The following CHST9 variants were observed in gnomAD, a reference collection of about 807,000 sequenced individuals.
CHST9 encodes carbohydrate sulfotransferase 9.
In CHST9, 41 loss-of-function variants were observed where a neutral mutation model predicts 44.4. The observed-to-expected ratio is 0.92, with a 90% confidence interval of 0.72 to 1.20. The LOEUF (loss-of-function observed/expected upper bound fraction) is 1.20. Ranked by LOEUF, CHST9 falls within the 50% of genes most tolerant of loss-of-function variation. The pLI, the probability that CHST9 is intolerant of heterozygous loss-of-function variation, is 0.00. For synonymous variants in CHST9, 171 were observed against 178.4 expected (o/e 0.96, Z 0.33); for missense variants, 504 against 516.5 (o/e 0.98, Z 0.23).
At chr18:27,166,459 T>C (rs912814643) in intron 1 of CHST9, among the ~76,000 whole-genome samples, 4 of 152,240 alleles carry the variant, frequency 2.6e-5, no homozygotes, top group African/African-American at 4.8e-5. Context: ...CTTTTCTTTT[T>C]AAGATCCTTC....
intron 5 of CHST9, among the ~76,000 whole-genome samples, chr18:26,928,046 A>G (rs1293945266): frequency 6.6e-6 from 1 of 152,216 alleles, no homozygotes; most frequent in Non-Finnish European, 1.5e-5. Flanking sequence ...CATCCTGCAT[A>G]GCCCTAAATC....
At chr18:27,006,975 G>A (rs1331502845) in intron 4 of CHST9, among the ~76,000 whole-genome samples, 3 of 152,130 alleles carry the variant, frequency 2.0e-5, no homozygotes, top group African/African-American at 7.2e-5. Flanking sequence ...GTGAGCATGT[G>A]TACGTGCATG....
intron 1 of CHST9, among the ~76,000 whole-genome samples, chr18:27,144,190 G>T (rs1168782041): frequency 2.0e-5 from 3 of 152,116 alleles, no homozygotes; most frequent in Non-Finnish European, 4.4e-5. Context: ...TCTTAAATGT[G>T]AAGATATCAT....
intron 4 of CHST9, among the ~76,000 whole-genome samples, chr18:26,961,300 A>G (rs1211502525): frequency 1.3e-5 from 2 of 152,242 alleles, no homozygotes; most frequent in African/African-American, 2.4e-5. Context: ...TGTATAACTA[A>G]TATGTTTTTT....
chr18:27,036,081 G>A (rs2143512920), intron 3 of CHST9, among the ~76,000 whole-genome samples: 1 of 152,132 alleles, frequency 6.6e-6, no homozygotes, highest in South Asian at 2.1e-4. Flanking sequence ...ATATTCATGT[G>A]CCAAATTCAA....
chr18:26,946,635 G>C (rs927346411), intron 4 of CHST9, among the ~76,000 whole-genome samples: 3 of 152,110 alleles, frequency 2.0e-5, no homozygotes, highest in African/African-American at 7.2e-5. Context: ...TTTCTTCTAG[G>C]GTTTTTATGG....
At chr18:27,169,751 C>A (rs910878881) in intron 1 of CHST9, among the ~76,000 whole-genome samples, 2 of 151,804 alleles carry the variant, frequency 1.3e-5, no homozygotes, top group Admixed American at 6.6e-5. Flanking sequence ...GGACTACAGG[C>A]ACCCACCACC....
In CHST9 at chr18:27,094,445, C is replaced by T. The variant is rs151131356; in HGVS notation, c.122-45942G>A. ...AAGCCTTTCTGTCAGGTGATAACAT[C>T]AAAGTGACCAAAATGTTTATGACTG... On this transcript the variant is annotated intron_variant, in intron 2 of 5. Transcript: ENST00000618847. 8.2e-4 allele frequency among the ~76,000 whole-genome samples: 125 copies of T among 152,200 alleles called. 2 individuals are homozygous for T. The East Asian group carries it at 0.021, about 25-fold the overall frequency.
chr18:26,978,725 T>A (rs2056655659), intron 4 of CHST9, among the ~76,000 whole-genome samples: 1 of 152,126 alleles, frequency 6.6e-6, no homozygotes, highest in Non-Finnish European at 1.5e-5. Context: ...TGAGAAAAAA[T>A]AATATCGGTC....
chr18:27,136,362 C>A (rs965734183), intron 2 of CHST9, among the ~76,000 whole-genome samples: 5 of 152,280 alleles, frequency 3.3e-5, no homozygotes, highest in Middle Eastern at 3.4e-3. Context: ...GTGGTGTGGT[C>A]TGGAAGCACG....
chr18:27,120,403 G>C (rs1038193856), intron 2 of CHST9, among the ~76,000 whole-genome samples: 7 of 152,004 alleles, frequency 4.6e-5, no homozygotes, highest in Non-Finnish European at 8.8e-5. Flanking sequence ...TTTATTTTAT[G>C]ACTAAAACCC....
intron 2 of CHST9, among the ~76,000 whole-genome samples, chr18:27,056,566 T>A (rs1393490709): frequency 6.6e-6 from 1 of 152,200 alleles, no homozygotes; most frequent in Non-Finnish European, 1.5e-5. Flanking sequence ...ACTGTGAAGA[T>A]TAAATAAAAT....
intron 4 of CHST9, among the ~76,000 whole-genome samples, chr18:26,945,039 A>G (rs956666930): frequency 6.6e-5 from 10 of 152,182 alleles, no homozygotes; most frequent in African/African-American, 2.4e-4. Context: ...AACGTTATGT[A>G]TGTCTTAAGT....
chr18:27,158,452 G>A (rs1277482741), intron 1 of CHST9, among the ~76,000 whole-genome samples: 1 of 151,108 alleles, frequency 6.6e-6, no homozygotes, highest in South Asian at 2.1e-4. Context: ...TTTTATGGCT[G>A]CATAGTATTC....
chr18:26,941,525 T>C (rs1042951479), intron 5 of CHST9, among the ~76,000 whole-genome samples: 3 of 152,122 alleles, frequency 2.0e-5, no homozygotes, highest in Admixed American at 6.6e-5. Context: ...AGTATTATCT[T>C]TCATCTAGTA....
chr18:27,160,643 T>G (rs957731767), intron 1 of CHST9, among the ~76,000 whole-genome samples: 4 of 152,134 alleles, frequency 2.6e-5, no homozygotes, highest in African/African-American at 9.7e-5. Context: ...TTAGGGAGGA[T>G]TCCCTCTTTT....
chr18:27,019,674 T>C (rs1175130495), intron 4 of CHST9, among the ~76,000 whole-genome samples: 3 of 137,604 alleles, frequency 2.2e-5, no homozygotes, highest in Non-Finnish European at 4.6e-5. Flanking sequence ...AATTGACCAC[T>C]GTTTCACTAC....
chr18:27,072,063 T>A (rs1018638399), intron 2 of CHST9, among the ~76,000 whole-genome samples: 2 of 152,232 alleles, frequency 1.3e-5, no homozygotes, highest in African/African-American at 4.8e-5. Flanking sequence ...TTTTCCATAT[T>A]GCCCGGTGTG....
intron 5 of CHST9, among the ~76,000 whole-genome samples, chr18:26,937,130 CTG>C (rs1467624907): frequency 1.3e-5 from 2 of 152,126 alleles, no homozygotes; most frequent in Non-Finnish European, 2.9e-5. Flanking sequence ...CCAAGGAAAA[CTG>C]GCAGTGGGCA....
Sources: allele counts gnomAD v4.1 joint callset (sites outside exome capture counted in the v4.1 genomes callset), GRCh38; gene constraint gnomAD v4.1.1; transcripts MANE v1.5; gene names NCBI Gene and HGNC (gene_info 2026-07-23, HGNC 2026-07-21).